The following NEDD8 variants were observed in gnomAD, a reference collection of about 807,000 sequenced individuals.
NEDD8 encodes ubiquitin-like protein NEDD8.
Under a neutral mutation model 13.8 loss-of-function variants are expected in NEDD8, and 1 was observed. The ratio of observed to expected loss-of-function variants is 0.07; its 90% CI spans 0.03 to 0.34. The LOEUF (loss-of-function observed/expected upper bound fraction) is 0.34, where lower values mean the gene tolerates loss of function less well. Among genes scored for constraint, NEDD8 ranks in the 10% least tolerant of loss-of-function variants. The pLI is 0.99. For missense variants in NEDD8, 10 were observed against 95.2 expected (o/e 0.10, Z 3.73); for synonymous variants, 31 against 33.2 (o/e 0.93, Z 0.23).
Position 24,218,464 on chromosome 14 carries a change from A to AGCCCAAT in NEDD8, c.19-40_19-34dup, listed in dbSNP as rs772099870. 1.9e-6 allele frequency: 3 copies of AGCCCAAT among 1,614,092 alleles called. No individual in the cohort carries two copies. In the East Asian group the frequency reaches 6.7e-5, roughly 36 times the overall value. On this transcript the variant is annotated intron_variant, in intron 1 of 3. Transcript: ENST00000250495. ...AGGCAATGGTTTCATGAGTCCTTAA[A>AGCCCAAT]GCCCAATGTACAATTTGTCTTCTAG...
intron 1 of NEDD8, among the ~76,000 whole-genome samples, chr14:24,221,653 C>T (rs572487446): frequency 3.3e-5 from 5 of 152,044 alleles, no homozygotes; most frequent in African/African-American, 7.2e-5. Flanking sequence ...TGGAGTGCAA[C>T]GGCACAATCT....
In NEDD8 at chr14:24,218,168, T is replaced by A; in HGVS notation, c.114A>T (p.Pro38=). ...CACTGTAGATGAGCCTCTGCTGTTG[T>A]GGGGGGATTCCCTCTTTCTCCTCCA... The part of the protein sequence containing the change: ...ERVEEKEGIP[P]QQQRLIYSGK... The change falls in exon 3 of 4, where the codon CCA becomes CCT. Residue 38 remains proline (P), a synonymous_variant. Transcript: ENST00000250495. 6.2e-7 allele frequency: 1 copy of A among 1,614,064 alleles called. No homozygotes were observed. Among genetic ancestry groups the A allele is most frequent in the Non-Finnish European group, 8.5e-7 (1 of 1,180,026 alleles).
At chr14:24,228,780 A>C (rs2039941320) in intron 1 of NEDD8, 1 of 151,612 alleles carries the variant, frequency 6.6e-6, no homozygotes, top group African/African-American at 2.4e-5. Flanking sequence ...ATGGTAATTA[A>C]CAGCTCTTTT....
Position 24,232,272 on chromosome 14 carries a change from T to C in NEDD8, c.-5A>G. 1.9e-6 allele frequency: 3 copies of C among 1,614,048 alleles called. No homozygotes were observed. Among genetic ancestry groups the C allele is most frequent in the Non-Finnish European group, 2.5e-6 (3 of 1,179,978 alleles). On this transcript the variant is annotated 5_prime_UTR_variant, in exon 1 of 4. Transcript: ENST00000250495. ...CACCTTCACTTTAATTAGCATCTTC[T>C]TTCCAGTTTGGGGCTGCACACGGAT...
intron 1 of NEDD8, 56 bp downstream of exon 1, chr14:24,232,194 G>A: frequency 1.2e-6 from 2 of 1,613,130 alleles, no homozygotes; most frequent in Non-Finnish European, 1.7e-6. Context: ...TCTCCCGTAA[G>A]GCACTGCTGC....
chr14:24,223,575 G>A (rs1309533103), intron 1 of NEDD8, among the ~76,000 whole-genome samples: 1 of 151,760 alleles, frequency 6.6e-6, no homozygotes, highest in Non-Finnish European at 1.5e-5. Context: ...TTGAGATGGA[G>A]TCTTGCTCTG....
At chr14:24,232,047 C>T in intron 1 of NEDD8, 1 of 707,152 alleles carries the variant, frequency 1.4e-6, no homozygotes, top group Non-Finnish European at 2.3e-6. Context: ...CAAAATACCC[C>T]AGGGTCGTCA....
chr14:24,217,956 T>G (rs1024209976), intron 3 of NEDD8, 177 bp downstream of exon 3: 35 of 574,944 alleles, frequency 6.1e-5, no homozygotes, highest in Non-Finnish European at 9.1e-5. Context: ...CTATATATTT[T>G]GTTTTATGCC....
Position 24,232,258 on chromosome 14 carries a change from T to G in NEDD8, c.10A>C (p.Lys4Gln). 1 of 1,614,128 alleles carries G rather than the reference T, an allele frequency of 6.2e-7. No homozygotes were observed. Residue 4 changes from lysine to glutamine, a missense_variant, in exon 1 of 4, where the codon AAA (lysine) becomes CAA (glutamine). Transcript: ENST00000250495. MLIKVKTLTGKEIE... is the reference protein window; with the variant it reads MLIQVKTLTGKEIE... ...GCTGGAGGTGCTCCCACCTTCACTT[T>G]AATTAGCATCTTCTTTCCAGTTTGG...
At chr14:24,220,639 GGTCA>G (rs1187375416) in intron 1 of NEDD8, among the ~76,000 whole-genome samples, 5 of 152,040 alleles carry the variant, frequency 3.3e-5, no homozygotes, top group African/African-American at 9.7e-5. Flanking sequence ...ACTTTCTAAG[GGTCA>G]GTAACTATGA....
At chr14:24,230,075 A>C (rs1424789343) in intron 1 of NEDD8, among the ~76,000 whole-genome samples, 1 of 151,824 alleles carries the variant, frequency 6.6e-6, no homozygotes, top group Non-Finnish European at 1.5e-5. Flanking sequence ...TCTCAAATAA[A>C]AATATTCAAC....
intron 1 of NEDD8, among the ~76,000 whole-genome samples, chr14:24,221,044 T>TGG (rs2039799890): frequency 6.6e-6 from 1 of 152,236 alleles, no homozygotes; most frequent in Admixed American, 6.5e-5. Flanking sequence ...TGTTTGGATA[T>TGG]GAAAGAATAA....
rs149980708 is a variant in NEDD8, at chr14:24,217,274, T to TTTG, written c.150-54_150-52dup. On this transcript the variant is annotated intron_variant, in intron 3 of 3. Transcript: ENST00000250495. ...AAAGAAAAAGAAGACTTAGGAGTTT[T>TTTG]TTGTTGTTGTTGTTGTTGTTGTTGT... is the stretch of plus-strand genomic sequence containing the variant. 6.9e-3 allele frequency: 8,364 copies of TTTG among 1,205,964 alleles called. 69 individuals carry two copies. The highest frequency in any genetic ancestry group is 0.05 in the Admixed American group (2,199 of 43,766). 74.7% of individuals were successfully genotyped at this position (1,205,964 alleles called of 1,614,324 possible).
intron 1 of NEDD8, chr14:24,226,504 G>A (rs913089349): frequency 6.6e-6 from 1 of 151,070 alleles, no homozygotes; most frequent in Non-Finnish European, 1.5e-5. Context: ...AAAACAAAAG[G>A]AAGTACTATA....
intron 3 of NEDD8, chr14:24,217,595 AG>A (rs1209877525): frequency 7.3e-5 from 14 of 190,996 alleles, no homozygotes; most frequent in African/African-American, 2.6e-4. Flanking sequence ...CGGCCAGAAC[AG>A]GAGTTCTTGA....
chr14:24,229,644 G>T lies in NEDD8; in HGVS notation c.18+2606C>A, dbSNP rs192215564. On this transcript the variant is annotated intron_variant, in intron 1 of 3. Transcript: ENST00000250495. The stretch of plus-strand genomic sequence containing the variant: ...GCATATCACAAATAGCAAAGTTTTT[G>T]TGCCTTATGGGTTGTGACATAAAAT... 3.2e-4 allele frequency among the ~76,000 whole-genome samples: 49 copies of T among 152,332 alleles called. No individual in the cohort carries two copies. The East Asian group carries it at 8.3e-3, about 26-fold the overall frequency.
At chr14:24,230,032 T>C (rs751422340) in intron 1 of NEDD8, among the ~76,000 whole-genome samples, 9 of 151,788 alleles carry the variant, frequency 5.9e-5, no homozygotes, top group Non-Finnish European at 1.3e-4. Flanking sequence ...ATTGCGCCAC[T>C]GCACTCCAGC....
intron 1 of NEDD8, among the ~76,000 whole-genome samples, chr14:24,222,835 T>C (rs1056324056): frequency 6.6e-5 from 10 of 152,070 alleles, no homozygotes; most frequent in Admixed American, 6.6e-4. Flanking sequence ...ACACCTGTAA[T>C]CCTAGCACTT....
At chr14:24,228,282 A>G (rs1408449385) in intron 1 of NEDD8, 1 of 152,108 alleles carries the variant, frequency 6.6e-6, no homozygotes, top group Admixed American at 6.6e-5. Flanking sequence ...AGTCCCAGCT[A>G]CTTGGGAGGC....
Sources: allele counts gnomAD v4.1 joint callset (sites outside exome capture counted in the v4.1 genomes callset), GRCh38; gene constraint gnomAD v4.1.1; transcripts MANE v1.5; gene names NCBI Gene and HGNC (gene_info 2026-07-23, HGNC 2026-07-21).